Variants in RAB27B observed in about 807,000 individuals in gnomAD.
The protein encoded by RAB27B is ras-related protein Rab-27B.
RAB27B carries 15 observed loss-of-function variants against 24.6 expected under a neutral mutation model. That is an observed-to-expected ratio of 0.61 (90% confidence interval 0.41 to 0.94). RAB27B has a LOEUF of 0.94. Ranked by LOEUF, RAB27B falls within the 40% of genes least tolerant of loss-of-function variation. The pLI, the probability that RAB27B is intolerant of heterozygous loss-of-function variation, is 0.00. For synonymous variants in RAB27B, 105 were observed against 92.5 expected (o/e 1.14, Z -0.78); for missense variants, 261 against 266.8 (o/e 0.98, Z 0.15).
At position 54,890,663 on chromosome 18, in the gene RAB27B, A is replaced by C. The variant is rs961837890; in HGVS notation, c.*1250A>C. On this transcript the variant is annotated 3_prime_UTR_variant, in exon 6 of 6. Transcript: ENST00000262094. ...TGTCATTAATCACATAAAAATTGAT[A>C]ATACCTCATTCTGTATTACAATATG... 1 of 152,150 alleles carries C rather than the reference A, an allele frequency of 6.6e-6. No individual in the cohort carries two copies. The highest frequency in any genetic ancestry group is 1.9e-4 in the East Asian group (1 of 5,180). 9.4% of individuals were successfully genotyped at this position (152,150 alleles called of 1,614,324 possible).
At chr18:54,800,535 T>C (rs969472577) in intron 2 of RAB27B, among the ~76,000 whole-genome samples, 2 of 152,228 alleles carry the variant, frequency 1.3e-5, no homozygotes, top group African/African-American at 4.8e-5. Context: ...TGCATTGACT[T>C]CATTGTCATT....
At chr18:54,752,652 G>A (rs554170147) in intron 2 of RAB27B, among the ~76,000 whole-genome samples, 10 of 152,178 alleles carry the variant, frequency 6.6e-5, no homozygotes, top group Non-Finnish European at 1.2e-4. Flanking sequence ...CCTGTGGAAG[G>A]TAGGCAATTG....
chr18:54,727,604 A>G (rs1858826699), intron 2 of RAB27B, among the ~76,000 whole-genome samples: 1 of 152,194 alleles, frequency 6.6e-6, no homozygotes, highest in Non-Finnish European at 1.5e-5. Flanking sequence ...AAAAAACCAA[A>G]TATTTGTGGG....
rs117953884 is a variant in RAB27B, at chr18:54,792,357, C to G, written c.-20+74216C>G. Reference sequence around the variant, plus strand: ...TTCACCATGAGCCACGGTTGCACCACTGTGCTCCAGCCTAAGCAACAGAGC... The same window carrying G: ...TTCACCATGAGCCACGGTTGCACCAGTGTGCTCCAGCCTAAGCAACAGAGC... On this transcript the variant is annotated intron_variant, in intron 2 of 4. Coordinates refer to the RAB27B transcript ENST00000586570. Among the ~76,000 whole-genome samples, 113 of 152,310 alleles carry G rather than the reference C, an allele frequency of 7.4e-4. 3 individuals carry two copies. The East Asian group carries it at 0.017, about 22-fold the overall frequency.
intron 2 of RAB27B, among the ~76,000 whole-genome samples, chr18:54,768,509 C>T (rs985818465): frequency 2.6e-5 from 4 of 151,984 alleles, no homozygotes; most frequent in African/African-American, 9.7e-5. Flanking sequence ...TATTTGATTC[C>T]ACCTTTGCCT....
At chr18:54,772,359 A>G (rs868230487) in intron 2 of RAB27B, among the ~76,000 whole-genome samples, 2 of 152,206 alleles carry the variant, frequency 1.3e-5, no homozygotes, top group African/African-American at 4.8e-5. Flanking sequence ...CACTTTATTC[A>G]TCTGTGAATA....
intron 2 of RAB27B, among the ~76,000 whole-genome samples, chr18:54,816,481 T>G (rs1306702335): frequency 6.6e-6 from 1 of 152,240 alleles, no homozygotes; most frequent in East Asian, 1.9e-4. Context: ...TGTTTAAATA[T>G]TTTTCTAATT....
At chr18:54,742,172 T>C (rs1045000894) in intron 2 of RAB27B, among the ~76,000 whole-genome samples, 3 of 152,210 alleles carry the variant, frequency 2.0e-5, no homozygotes, top group African/African-American at 7.2e-5. Flanking sequence ...TTTAAGGCAA[T>C]TGTTTGCAAA....
At chr18:54,833,951 A>G (rs1195501330) in intron 1 of RAB27B, among the ~76,000 whole-genome samples, 1 of 152,206 alleles carries the variant, frequency 6.6e-6, no homozygotes, top group Non-Finnish European at 1.5e-5. Context: ...GAAGATCAGG[A>G]AGTGCAGCAA....
At chr18:54,773,630 C>G (rs41472148) in intron 2 of RAB27B, among the ~76,000 whole-genome samples, 6,645 of 151,910 alleles carry the variant, frequency 0.044, 209 homozygotes, top group Admixed American at 0.082. Flanking sequence ...GATTCACATT[C>G]TAGCAGAGGA....
chr18:54,724,357 A>G (rs1909462131), intron 2 of RAB27B, among the ~76,000 whole-genome samples: 1 of 151,568 alleles, frequency 6.6e-6, no homozygotes, highest in Admixed American at 6.6e-5. Flanking sequence ...TGGCTACTAG[A>G]AAAGTTAATG....
At chr18:54,821,588 C>T (rs866273375) in intron 2 of RAB27B, among the ~76,000 whole-genome samples, 6 of 152,224 alleles carry the variant, frequency 3.9e-5, no homozygotes, top group South Asian at 2.1e-4. Flanking sequence ...AAAAAGAGCC[C>T]GCATTGCCAA....
intron 1 of RAB27B, among the ~76,000 whole-genome samples, chr18:54,834,114 T>C (rs1271377654): frequency 6.6e-6 from 1 of 152,284 alleles, no homozygotes; most frequent in East Asian, 1.9e-4. Flanking sequence ...TTTTTTAAAT[T>C]AAGAATTGAT....
chr18:54,821,846 G>A (rs190030546), intron 2 of RAB27B, among the ~76,000 whole-genome samples: 7 of 152,222 alleles, frequency 4.6e-5, no homozygotes, highest in East Asian at 1.9e-4. Flanking sequence ...CTCTGCCTCC[G>A]GGGCTGAAGC....
chr18:54,782,486 C>T (rs1908947398), intron 2 of RAB27B, among the ~76,000 whole-genome samples: 1 of 152,148 alleles, frequency 6.6e-6, no homozygotes, highest in Non-Finnish European at 1.5e-5. Flanking sequence ...ACTCTAAGAA[C>T]CTTCACTTCC....
At chr18:54,722,433 G>A (rs1909388632) in intron 2 of RAB27B, among the ~76,000 whole-genome samples, 1 of 152,174 alleles carries the variant, frequency 6.6e-6, no homozygotes, top group African/African-American at 2.4e-5. Flanking sequence ...ATGCTGTAGT[G>A]AGATGACTAC....
At chr18:54,841,428 A>G (rs1452222825) in intron 1 of RAB27B, among the ~76,000 whole-genome samples, 1 of 152,206 alleles carries the variant, frequency 6.6e-6, no homozygotes, top group Non-Finnish European at 1.5e-5. Context: ...TTATATGCCA[A>G]TACTATACAA....
chr18:54,734,739 G>T (rs1909839319), intron 2 of RAB27B, among the ~76,000 whole-genome samples: 1 of 152,100 alleles, frequency 6.6e-6, no homozygotes, highest in African/African-American at 2.4e-5. Context: ...TCTTGGAATG[G>T]TATTGAACAA....
At chr18:54,745,526 G>T in intron 2 of RAB27B, 1 of 157,958 alleles carries the variant, frequency 6.3e-6, no homozygotes, top group South Asian at 1.7e-4. Context: ...ACAGAAGCCT[G>T]GTCTGCAACT....
Sources: gnomAD v4.1 joint callset for allele counts (sites outside exome capture counted in the v4.1 genomes callset) on GRCh38, gnomAD v4.1.1 for gene constraint, MANE v1.5 for transcripts, NCBI Gene and HGNC (gene_info 2026-07-23, HGNC 2026-07-21) for gene names.